The following RBFOX1 variants were observed in gnomAD, a reference collection of about 807,000 sequenced individuals.
RBFOX1 encodes the protein RNA binding fox-1 homolog 1.
A neutral mutation model predicts 57.7 loss-of-function variants in RBFOX1; 8 were observed. The ratio of observed to expected loss-of-function variants is 0.14; its 90% CI spans 0.08 to 0.25. RBFOX1 has a LOEUF of 0.25. Ranked by LOEUF, RBFOX1 falls within the 10% of genes least tolerant of loss-of-function variation. RBFOX1 has a pLI of 1.00. For missense variants in RBFOX1, 611 were observed against 548.5 expected, an observed-to-expected ratio of 1.11 and a Z score of -1.14; for synonymous variants, 326 against 222.4, an observed-to-expected ratio of 1.47 and a Z score of -4.15.
chr16:7,109,253 A>G (rs772434046), intron 4 of RBFOX1, among the ~76,000 whole-genome samples: 1 of 152,168 alleles, frequency 6.6e-6, no homozygotes, highest in African/African-American at 2.4e-5. Context: ...GACCTCATAT[A>G]TTATTGGATG....
chr16:6,106,770 C>T (rs2096385370), intron 1 of RBFOX1, among the ~76,000 whole-genome samples: 1 of 152,226 alleles, frequency 6.6e-6, no homozygotes, highest in South Asian at 2.1e-4. Context: ...CGGGTTCATG[C>T]CATCCTTCTG....
intron 3 of RBFOX1, among the ~76,000 whole-genome samples, chr16:5,805,216 T>G (rs1177939482): frequency 6.6e-6 from 1 of 152,176 alleles, no homozygotes; most frequent in Non-Finnish European, 1.5e-5. Flanking sequence ...TGTTCAGCCC[T>G]GGAATAGAGC....
At chr16:7,032,100 G>T (rs992486293) in intron 3 of RBFOX1, among the ~76,000 whole-genome samples, 33 of 152,044 alleles carry the variant, frequency 2.2e-4, no homozygotes, top group Admixed American at 2.2e-3. Context: ...GTCCCCTCTT[G>T]AGAATCAGAG....
In RBFOX1 at chr16:5,393,108, A is replaced by G. The variant is rs538995; in HGVS notation, c.220-74108A>G. On this transcript the variant is annotated intron_variant, in intron 1 of 2. Transcript: ENST00000585867. ...TGGGGCTGTGGCTCAGGGCCTCAGC[A>G]GGTGGATGGCACCTAGAGTGATGGA... Among the ~76,000 whole-genome samples the G allele has an allele frequency of 2.3e-3, 350 of 152,230 alleles. 4 individuals are homozygous for G. The highest frequency in any genetic ancestry group is 8.1e-3 in the African/African-American group (337 of 41,552).
chr16:6,976,677 A>C (rs2153579721), intron 3 of RBFOX1, among the ~76,000 whole-genome samples: 1 of 149,436 alleles, frequency 6.7e-6, no homozygotes, highest in South Asian at 2.1e-4. Context: ...TATATATCAT[A>C]TATATCATAC....
At chr16:7,066,195 A>G (rs549499818) in intron 4 of RBFOX1, among the ~76,000 whole-genome samples, 144 of 152,322 alleles carry the variant, frequency 9.5e-4, no homozygotes, top group African/African-American at 3.2e-3. Context: ...CTTAGAGAAA[A>G]AGGGAGGTTA....
intron 4 of RBFOX1, among the ~76,000 whole-genome samples, chr16:7,281,298 C>T (rs568629855): frequency 2.0e-5 from 3 of 151,676 alleles, no homozygotes; most frequent in South Asian, 4.2e-4. Context: ...CCACCGTGCC[C>T]AGTGCAATTG....
intron 3 of RBFOX1, among the ~76,000 whole-genome samples, chr16:5,782,964 C>T (rs1013318789): frequency 5.3e-5 from 8 of 152,266 alleles, no homozygotes; most frequent in Non-Finnish European, 8.8e-5. Context: ...ATCACCCACA[C>T]GGGTGAGGGT....
chr16:5,895,929 G>T (rs1317096068), intron 4 of RBFOX1, among the ~76,000 whole-genome samples: 3 of 152,220 alleles, frequency 2.0e-5, no homozygotes, highest in Admixed American at 6.5e-5. Context: ...AAGAATGGAA[G>T]AATGAAGTCT....
intron 1 of RBFOX1, among the ~76,000 whole-genome samples, chr16:6,150,006 G>A (rs1457292770): frequency 1.3e-5 from 2 of 152,192 alleles, no homozygotes; most frequent in Non-Finnish European, 2.9e-5. Flanking sequence ...CATAGCTCCT[G>A]AAATGTGAGC....
chr16:7,241,880 A>G (rs1226875597), intron 4 of RBFOX1, among the ~76,000 whole-genome samples: 3 of 152,114 alleles, frequency 2.0e-5, no homozygotes, highest in Non-Finnish European at 2.9e-5. Flanking sequence ...ATATAAATAT[A>G]CTTATATGTG....
chr16:5,695,815 GTAACTATAGA>G (rs767587189), intron 3 of RBFOX1, among the ~76,000 whole-genome samples: 181 of 152,210 alleles, frequency 1.2e-3, no homozygotes, highest in Non-Finnish European at 1.9e-3. Flanking sequence ...AGGAAAGGAG[GTAACTATAGA>G]ATGTAATAGA....
At chr16:5,424,527 C>A (rs1467080940) in intron 1 of RBFOX1, among the ~76,000 whole-genome samples, 1 of 144,210 alleles carries the variant, frequency 6.9e-6, no homozygotes, top group African/African-American at 2.6e-5. Context: ...TGGCGTTTTA[C>A]TTTTTTTTTT....
At chr16:7,097,041 A>G (rs1156763275) in intron 4 of RBFOX1, among the ~76,000 whole-genome samples, 1 of 152,186 alleles carries the variant, frequency 6.6e-6, no homozygotes, top group African/African-American at 2.4e-5. Context: ...GGTAAAAACA[A>G]CAGATGCCTC....
chr16:6,933,733 T>G (rs1291552812), intron 3 of RBFOX1, among the ~76,000 whole-genome samples: 2 of 152,016 alleles, frequency 1.3e-5, no homozygotes, highest in African/African-American at 4.8e-5. Context: ...AAAAACAAAT[T>G]GGAAGAATTT....
chr16:6,941,726 T>A (rs1049724308), intron 3 of RBFOX1, among the ~76,000 whole-genome samples: 1 of 152,158 alleles, frequency 6.6e-6, no homozygotes, highest in Non-Finnish European at 1.5e-5. Flanking sequence ...GAGATTGGAT[T>A]TGGCTTCTGA....
In RBFOX1 at chr16:6,458,588, A is replaced by G. The variant is rs1234718065; in HGVS notation, c.-64+141531A>G. 2.0e-5 allele frequency among the ~76,000 whole-genome samples: 3 copies of G among 152,240 alleles called. No individual in the cohort carries two copies. The East Asian group carries it at 5.8e-4, about 29-fold the overall frequency. ...TCAACCATTGGTGTTTCAGAGCAAGAGAATAACTGACATCCAGTATCGTTT... is the reference window on the plus strand; with the variant it reads ...TCAACCATTGGTGTTTCAGAGCAAGGGAATAACTGACATCCAGTATCGTTT... On this transcript the variant is annotated intron_variant, in intron 2 of 15. Coordinates refer to ENST00000550418, the MANE Select transcript of RBFOX1 (RefSeq NM_018723.4).
intron 3 of RBFOX1, among the ~76,000 whole-genome samples, chr16:6,860,446 G>A (rs918466764): frequency 6.6e-6 from 1 of 152,180 alleles, no homozygotes; most frequent in African/African-American, 2.4e-5. Context: ...GGGGCAGCGG[G>A]CGCTCTACCG....
intron 1 of RBFOX1, among the ~76,000 whole-genome samples, chr16:6,197,673 A>G (rs1329381571): frequency 6.6e-6 from 1 of 150,556 alleles, no homozygotes; most frequent in Non-Finnish European, 1.5e-5. Context: ...TCAGGGGTTC[A>G]TATGTTGTTT....
Sources: gnomAD v4.1 joint callset for allele counts (sites outside exome capture counted in the v4.1 genomes callset) on GRCh38, gnomAD v4.1.1 for gene constraint, MANE v1.5 for transcripts, NCBI Gene and HGNC (gene_info 2026-07-23, HGNC 2026-07-21) for gene names.